Variants in SLC66A2 observed in about 807,000 individuals in gnomAD.
SLC66A2 encodes PQ loop repeat containing 1.
In SLC66A2, 23 loss-of-function variants were observed where a neutral mutation model predicts 25.5. The ratio of observed to expected loss-of-function variants is 0.90; its 90% CI spans 0.65 to 1.28. The LOEUF is 1.28. Among genes scored for constraint, SLC66A2 ranks in the 50% most tolerant of loss-of-function variants. SLC66A2 has a pLI of 0.00. For synonymous variants in SLC66A2, 193 were observed against 166.5 expected (o/e 1.16, Z -1.23); for missense variants, 396 against 373.1 (o/e 1.06, Z -0.51).
At position 79,950,879 on chromosome 18, in the gene SLC66A2, C is replaced by T. The variant is rs2051097519; in HGVS notation, c.48G>A (p.Leu16=). Residue 16 remains leucine (L), a synonymous_variant, in exon 2 of 6, where the codon CTG becomes CTA. Coordinates refer to ENST00000397778, the MANE Select transcript of SLC66A2 (RefSeq NM_025078.5). ...LDWLLVPLHQ[L]VSWGAAAAMV... is the part of the protein sequence containing the mutation. ...TGGCCGCGGCCGCGCCCCAGGACACCAGCTGGTGCAGTGGCACCAGGAGCC... is the reference window on the plus strand; with the variant it reads ...TGGCCGCGGCCGCGCCCCAGGACACTAGCTGGTGCAGTGGCACCAGGAGCC... 2.5e-6 allele frequency: 4 copies of T among 1,603,200 alleles called. No individual in the cohort carries two copies. Among genetic ancestry groups the T allele is most frequent in the East Asian group, 2.3e-5 (1 of 44,016 alleles).
At position 79,903,083 on chromosome 18, in the gene SLC66A2, GATGGAC is replaced by G. The variant is rs994954452; in HGVS notation, c.*887_*892del. The G allele has an allele frequency of 2.0e-5, 3 of 152,270 alleles. No homozygotes were observed. Among genetic ancestry groups the G allele is most frequent in the Admixed American group, 1.3e-4 (2 of 15,284 alleles). The allele number at this position is 152,270 out of a possible 1,614,324, so 9.4% of individuals were successfully genotyped here. ...GGACCCGAGACCGTCTCTCCTGGAA[GATGGAC>G]ATCAAAACTGCATCCGGAGGTGCAG... On this transcript the variant is annotated 3_prime_UTR_variant, in exon 6 of 6. Coordinates refer to ENST00000397778, the MANE Select transcript of SLC66A2 (RefSeq NM_025078.5).
At chr18:79,913,565 G>A (rs755595854) in intron 5 of SLC66A2, among the ~76,000 whole-genome samples, 1 of 152,274 alleles carries the variant, frequency 6.6e-6, no homozygotes, top group Non-Finnish European at 1.5e-5. Flanking sequence ...GTTGCTCACA[G>A]GTGGAAACCG....
At chr18:79,908,983 T>C (rs1470681137) in intron 5 of SLC66A2, among the ~76,000 whole-genome samples, 1 of 152,228 alleles carries the variant, frequency 6.6e-6, no homozygotes, top group Non-Finnish European at 1.5e-5. Flanking sequence ...CCTGAGTTGG[T>C]TTCTATTGAC....
intron 4 of SLC66A2, among the ~76,000 whole-genome samples, chr18:79,924,371 C>T (rs1985668845): frequency 6.6e-6 from 1 of 152,126 alleles, no homozygotes; most frequent in South Asian, 2.1e-4. Flanking sequence ...ATGAAGTGTC[C>T]AGCACAGGCG....
chr18:79,935,708 TGAG>T (rs1987014236), intron 3 of SLC66A2, among the ~76,000 whole-genome samples: 1 of 151,998 alleles, frequency 6.6e-6, no homozygotes, highest in Non-Finnish European at 1.5e-5. Context: ...CCAGGTCTCA[TGAG>T]GAGGCCTTGG....
intron 4 of SLC66A2, among the ~76,000 whole-genome samples, chr18:79,920,038 A>G (rs868540591): frequency 0.011 from 1 of 92 alleles, no homozygotes; most frequent in Non-Finnish European, 0.016. Flanking sequence ...AAGGTCAGTG[A>G]GGAGAGACAG....
At position 79,918,723 on chromosome 18, in the gene SLC66A2, C is replaced by G. The variant is rs1984591969; in HGVS notation, c.608+461G>C. On this transcript the variant is annotated intron_variant, in intron 5 of 5. Coordinates refer to ENST00000397778, the MANE Select transcript of SLC66A2 (RefSeq NM_025078.5). The surrounding 1 kb of genome is among the most constrained non-coding windows in gnomAD (Gnocchi z 4.0). ...TCTGTGGTTCCGAACGTCAGCCTGC[C>G]CAGCCTTCTACCACATACCTCAGAG... 6.6e-6 allele frequency among the ~76,000 whole-genome samples: 1 copy of G among 152,222 alleles called. No individual in the cohort carries two copies. The highest frequency in any genetic ancestry group is 1.5e-5 in the Non-Finnish European group (1 of 68,032).
intron 4 of SLC66A2, among the ~76,000 whole-genome samples, chr18:79,931,627 C>G (rs1478877901): frequency 6.6e-6 from 1 of 152,168 alleles, no homozygotes; most frequent in Non-Finnish European, 1.5e-5. Flanking sequence ...AACAGACAAC[C>G]CTCCACCTTC....
At chr18:79,912,517 CA>C (rs1265936381) in intron 5 of SLC66A2, among the ~76,000 whole-genome samples, 27 of 151,532 alleles carry the variant, frequency 1.8e-4, no homozygotes, top group South Asian at 4.2e-4. Context: ...CACGTGTCGC[CA>C]GGCCACGTGT....
rs556606952 is a variant in SLC66A2, at chr18:79,919,096, G to C, written c.608+88C>G. On this transcript the variant is annotated intron_variant, in intron 5 of 5. Coordinates refer to ENST00000397778, the MANE Select transcript of SLC66A2 (RefSeq NM_025078.5). ...GGTCAACGTGGGAAATACACAGCCA[G>C]ACACACAGGCGTTTGATTTTTACCA... 1,648 of 1,194,888 alleles carry C rather than the reference G, an allele frequency of 1.4e-3. 2 individuals carry two copies. Among genetic ancestry groups the C allele is most frequent in the Non-Finnish European group, 1.8e-3 (1,482 of 826,674 alleles). The allele number at this position is 1,194,888 out of a possible 1,614,324, so 74.0% of individuals were successfully genotyped here.
At chr18:79,926,400 A>G (rs1450535606) in intron 4 of SLC66A2, among the ~76,000 whole-genome samples, 1 of 152,078 alleles carries the variant, frequency 6.6e-6, no homozygotes, top group Non-Finnish European at 1.5e-5. Flanking sequence ...TCCTGTTGGG[A>G]CTGGGATGGC....
intron 5 of SLC66A2, among the ~76,000 whole-genome samples, chr18:79,909,928 T>TCACCACAGTCCCCAACCTTC (rs1568293195): frequency 9.4e-5 from 8 of 85,390 alleles, no homozygotes; most frequent in Admixed American, 7.4e-4. Context: ...CCCCACCATC[T>TCACCACAGTCCCCAACCTTC]CACCACAGTC....
At chr18:79,913,901 C>T (rs1292750325) in intron 5 of SLC66A2, among the ~76,000 whole-genome samples, 2 of 152,162 alleles carry the variant, frequency 1.3e-5, no homozygotes, top group African/African-American at 4.8e-5. Context: ...TGTCACCATT[C>T]GCCACCAAAG....
In SLC66A2 at chr18:79,937,326, C is replaced by G. The variant is rs563783968; in HGVS notation, c.338-3304G>C. ...GACCCCTCATGCTGGGTCGAAAGGG[C>G]CCAGCAGCATCTGACGCGGCTCCCC... On this transcript the variant is annotated intron_variant, in intron 3 of 5. Transcript: ENST00000397778. The surrounding 1 kb of genome is among the most constrained non-coding windows in gnomAD (Gnocchi z 5.4). Among the ~76,000 whole-genome samples the G allele has an allele frequency of 1.2e-4, 18 of 152,142 alleles. No individual in the cohort carries two copies. Among genetic ancestry groups the G allele is most frequent in the Non-Finnish European group, 2.4e-4 (16 of 68,034 alleles).
Position 79,903,703 on chromosome 18 carries a change from T to C in SLC66A2, c.*273A>G, listed in dbSNP as rs1223136780. ...TCAGACGGTGTTTCATAAGAGGAAATGGGGAAAACACTTGCTTTTTATGTC... is the reference window on the plus strand; with the variant it reads ...TCAGACGGTGTTTCATAAGAGGAAACGGGGAAAACACTTGCTTTTTATGTC... On this transcript the variant is annotated 3_prime_UTR_variant, in exon 6 of 6. Coordinates refer to ENST00000397778, the MANE Select transcript of SLC66A2 (RefSeq NM_025078.5). 8.2e-6 allele frequency: 4 copies of C among 485,942 alleles called. No individual in the cohort carries two copies. Among genetic ancestry groups the C allele is most frequent in the Non-Finnish European group, 1.4e-5 (4 of 277,664 alleles). The allele number at this position is 485,942 out of a possible 1,614,324, so 30.1% of individuals were successfully genotyped here. A position where few individuals can be genotyped will look rare whatever the true frequency, so the allele number is the denominator to read the frequency against.
intron 4 of SLC66A2, among the ~76,000 whole-genome samples, chr18:79,925,791 G>C (rs1465866901): frequency 1.1e-4 from 16 of 152,236 alleles, no homozygotes; most frequent in Admixed American, 1.0e-3. Context: ...CCTGGTGTAA[G>C]AGGATCTGAT....
In SLC66A2 at chr18:79,932,990, T is replaced by C. The variant is rs538498662; in HGVS notation, c.391+979A>G. Among the ~76,000 whole-genome samples, 26 of 152,238 alleles carry C rather than the reference T, an allele frequency of 1.7e-4. No individual in the cohort carries two copies. In the East Asian group the frequency reaches 3.1e-3, roughly 18 times the overall value. Reference sequence around the variant, plus strand: ...ATCCTAATACTAAATCTAGACAAAGTCATCACAAGAAAACTACAGACCATC... The same window carrying C: ...ATCCTAATACTAAATCTAGACAAAGCCATCACAAGAAAACTACAGACCATC... On this transcript the variant is annotated intron_variant, in intron 4 of 5. Coordinates refer to ENST00000397778, the MANE Select transcript of SLC66A2 (RefSeq NM_025078.5).
rs548422502 is a variant in SLC66A2, at chr18:79,940,612, C to A, written c.337+2717G>T. Among the ~76,000 whole-genome samples, 6 of 152,202 alleles carry A rather than the reference C, an allele frequency of 3.9e-5. 1 individual carries two copies. In the South Asian group the frequency reaches 1.2e-3, roughly 32 times the overall value. ...GGGCTGTGCTGCAGGAGCTACCGATCGGGCGGCCAGAAGCCAGAGCTTTCA... is the reference window on the plus strand; with the variant it reads ...GGGCTGTGCTGCAGGAGCTACCGATAGGGCGGCCAGAAGCCAGAGCTTTCA... On this transcript the variant is annotated intron_variant, in intron 3 of 5. Transcript: ENST00000397778. This position sits in a 1 kb window ranked among gnomAD's most constrained non-coding sequence, Gnocchi z 4.1.
chr18:79,910,979 C>T (rs1011486303), intron 5 of SLC66A2, among the ~76,000 whole-genome samples: 1 of 152,260 alleles, frequency 6.6e-6, no homozygotes, highest in Non-Finnish European at 1.5e-5. Flanking sequence ...TTGGAATGCC[C>T]CTGGCTGCCA....
Sources: gnomAD v4.1 joint callset for allele counts (sites outside exome capture counted in the v4.1 genomes callset) on GRCh38, gnomAD v4.1.1 for gene constraint, Gnocchi (gnomAD v3.1) non-coding constraint, MANE v1.5 for transcripts, NCBI Gene and HGNC (gene_info 2026-07-23, HGNC 2026-07-21) for gene names.